The following DNAAF4 variants were observed in gnomAD, a reference collection of about 807,000 sequenced individuals.
The protein encoded by DNAAF4 is dynein axonemal assembly factor 4.
Under a neutral mutation model 51.8 loss-of-function variants are expected in DNAAF4, and 43 were observed. The ratio of observed to expected loss-of-function variants is 0.83; its 90% confidence interval spans 0.65 to 1.07. The LOEUF is 1.07. Among genes scored for constraint, DNAAF4 ranks in the 50% least tolerant of loss-of-function variants. The pLI is 0.00. For synonymous variants in DNAAF4, 194 were observed against 165.6 expected, an observed-to-expected ratio of 1.17 and a Z score of -1.32; for missense variants, 581 against 493.0, an observed-to-expected ratio of 1.18 and a Z score of -1.69.
intron 4 of DNAAF4, among the ~76,000 whole-genome samples, chr15:55,470,877 G>A (rs1339364813): frequency 9.1e-6 from 1 of 109,360 alleles, no homozygotes; most frequent in Non-Finnish European, 1.8e-5. Flanking sequence ...TTTGAGACAA[G>A]GTCTTGTTCT....
At chr15:55,447,824 GA>G (rs2057860438) in intron 6 of DNAAF4, among the ~76,000 whole-genome samples, 2 of 110,580 alleles carry the variant, frequency 1.8e-5, no homozygotes, top group Non-Finnish European at 3.8e-5. Flanking sequence ...GGAGAGGGGA[GA>G]GGGCAGAGGG....
downstream of DNAAF4, among the ~76,000 whole-genome samples, chr15:55,428,563 C>T (rs2057455229): frequency 7.6e-6 from 1 of 131,612 alleles, no homozygotes; most frequent in Non-Finnish European, 1.5e-5. Context: ...GGCACAATCT[C>T]GGCTCACTGC....
chr15:55,450,524 TA>T (rs2057916021), intron 5 of DNAAF4, among the ~76,000 whole-genome samples, 157 bp from the exon 6 acceptor site: 2 of 152,324 alleles, frequency 1.3e-5, no homozygotes, highest in African/African-American at 4.8e-5. Flanking sequence ...TTAGCAATGA[TA>T]ATATAGCAGC....
At chr15:55,421,132 G>A (rs1220051969) in intron 7 of DNAAF4, among the ~76,000 whole-genome samples, 1 of 149,872 alleles carries the variant, frequency 6.7e-6, no homozygotes, top group East Asian at 2.0e-4. Context: ...AGAGGTTGCA[G>A]TGAGCCAAGA....
At chr15:55,420,455 G>T (rs570289832) in intron 7 of DNAAF4, among the ~76,000 whole-genome samples, 1 of 151,986 alleles carries the variant, frequency 6.6e-6, no homozygotes, top group South Asian at 2.1e-4. Flanking sequence ...GTTGGTTTCA[G>T]TTCAGGATAT....
chr15:55,425,220 G>T (rs2057420307), intron 7 of DNAAF4, among the ~76,000 whole-genome samples: 1 of 152,156 alleles, frequency 6.6e-6, no homozygotes, highest in Non-Finnish European at 1.5e-5. Flanking sequence ...AGTTCCTTTA[G>T]CCAGAATCCC....
chr15:55,483,495 A>T (rs2058439909), intron 4 of DNAAF4, among the ~76,000 whole-genome samples: 1 of 152,172 alleles, frequency 6.6e-6, no homozygotes, highest in South Asian at 2.1e-4. Context: ...TCTACACTTT[A>T]AAAGAATGAA....
downstream of DNAAF4, among the ~76,000 whole-genome samples, chr15:55,425,581 ATT>A (rs61564623): frequency 6.6e-6 from 1 of 150,742 alleles, no homozygotes; most frequent in East Asian, 1.9e-4. Flanking sequence ...GAGTAAAAGC[ATT>A]TTTTTTTTCA....
intron 4 of DNAAF4, among the ~76,000 whole-genome samples, chr15:55,489,088 CA>C (rs370570288): frequency 4.9e-4 from 66 of 135,986 alleles, no homozygotes; most frequent in Non-Finnish European, 6.9e-4. Flanking sequence ...GACTCCATCT[CA>C]AAAAAAAAAA....
intron 1 of DNAAF4, among the ~76,000 whole-genome samples, chr15:55,504,310 T>C (rs1183780923): frequency 6.6e-6 from 1 of 152,106 alleles, no homozygotes; most frequent in Non-Finnish European, 1.5e-5. Flanking sequence ...TGCTCATGGA[T>C]AGGAAAAATC....
intron 5 of DNAAF4, among the ~76,000 whole-genome samples, chr15:55,456,231 C>T (rs2058018808): frequency 6.6e-6 from 1 of 151,740 alleles, no homozygotes; most frequent in Admixed American, 6.6e-5. Flanking sequence ...TACAGGCACC[C>T]ACCACCACGT....
chr15:55,474,945 C>T (rs531260549), intron 4 of DNAAF4, among the ~76,000 whole-genome samples: 22 of 152,276 alleles, frequency 1.4e-4, no homozygotes, highest in Admixed American at 7.2e-4. Flanking sequence ...CGCCACTGCA[C>T]GCCAGCCTGG....
chr15:55,436,184 C>A (rs1486430708), intron 7 of DNAAF4, among the ~76,000 whole-genome samples: 2 of 152,162 alleles, frequency 1.3e-5, no homozygotes, highest in African/African-American at 4.8e-5. Context: ...AATTTCTCCA[C>A]ATCCTCACTA....
chr15:55,465,553 A>C (rs990482131), intron 5 of DNAAF4, among the ~76,000 whole-genome samples: 1 of 149,554 alleles, frequency 6.7e-6, no homozygotes, highest in East Asian at 1.9e-4. Flanking sequence ...ACCAAATACC[A>C]TATGTTCTCA....
At chr15:55,437,064 G>A (rs962244232) in intron 7 of DNAAF4, among the ~76,000 whole-genome samples, 17 of 145,168 alleles carry the variant, frequency 1.2e-4, no homozygotes, top group Middle Eastern at 4.4e-3. Flanking sequence ...TGATCCGCCC[G>A]CCTCAGCCTC....
chr15:55,503,450 A>G (rs2058710128), intron 1 of DNAAF4, among the ~76,000 whole-genome samples: 1 of 152,202 alleles, frequency 6.6e-6, no homozygotes, highest in Non-Finnish European at 1.5e-5. Flanking sequence ...CTGATACCAA[A>G]GCCTGGCAGA....
At chr15:55,502,229 G>A (rs901198187) in intron 1 of DNAAF4, among the ~76,000 whole-genome samples, 4 of 152,104 alleles carry the variant, frequency 2.6e-5, no homozygotes, top group African/African-American at 9.7e-5. Context: ...TTAGAATTTA[G>A]GAGAAGGAGG....
chr15:55,495,861 G>C lies in DNAAF4; in HGVS notation c.271+1851C>G, dbSNP rs146017637. On this transcript the variant is annotated intron_variant, in intron 3 of 9. Transcript: ENST00000321149. ...CAGTAGAGGACAATTACTGACTATGGAAGCTGATCTTGGTATTAGTACAAA... is the reference window on the plus strand; with the variant it reads ...CAGTAGAGGACAATTACTGACTATGCAAGCTGATCTTGGTATTAGTACAAA... Among the ~76,000 whole-genome samples the C allele has an allele frequency of 1.4e-3, 213 of 152,344 alleles. 2 individuals carry two copies. Among genetic ancestry groups the C allele is most frequent in the African/African-American group, 4.9e-3 (204 of 41,590 alleles).
chr15:55,485,181 A>G (rs1293376359), intron 4 of DNAAF4, among the ~76,000 whole-genome samples: 1 of 152,198 alleles, frequency 6.6e-6, no homozygotes, highest in African/African-American at 2.4e-5. Context: ...AGCTCTAAGA[A>G]CGGGTTTATG....
Sources: gnomAD v4.1 joint callset for allele counts (sites outside exome capture counted in the v4.1 genomes callset) on GRCh38, gnomAD v4.1.1 for gene constraint, MANE v1.5 for transcripts, NCBI Gene and HGNC (gene_info 2026-07-23, HGNC 2026-07-21) for gene names.